COL6A2: variants seen among roughly 807,000 people sequenced by gnomAD.
COL6A2 encodes collagen type VI alpha 2 chain.
In COL6A2, 90 loss-of-function variants were observed where a neutral mutation model predicts 124.9. That is an observed-to-expected ratio of 0.72 (90% CI 0.61 to 0.86). The LOEUF is 0.86. Among genes scored for constraint, COL6A2 ranks in the 40% least tolerant of loss-of-function variants. The probability of loss-of-function intolerance (pLI) is 0.00; values close to 1 mark genes in which losing one functional copy is unlikely to be tolerated. For missense variants in COL6A2, 1,607 were observed against 1,502.5 expected (o/e 1.07, Z -1.15); for synonymous variants, 793 against 618.2 (o/e 1.28, Z -4.19).
chr21:46,129,464 C>T, intron 27 of COL6A2: 1 of 1,598,404 alleles, frequency 6.3e-7, no homozygotes. Flanking sequence ...TCGTGGGGGA[C>T]CCCGAGACCG....
Position 46,132,289 on chromosome 21 carries a change from CGTGGCGGGGCCCGG to C in COL6A2, c.2798_2811del (p.Arg933GlnfsTer55). 1 of 1,606,550 alleles carries C rather than the reference CGTGGCGGGGCCCGG, an allele frequency of 6.2e-7. No homozygotes were observed. Among genetic ancestry groups the C allele is most frequent in the Non-Finnish European group, 8.5e-7 (1 of 1,179,260 alleles). On this transcript the variant is annotated frameshift_variant, in exon 28 of 28. Transcript: ENST00000300527. LOFTEE classifies it high-confidence loss of function. ...CATCAATGCCATCGTGCGCAGCCCG[CGTGGCGGGGCCCGG>C]AGGCACGCAGAGCTGTCCTTCGTGT...
At chr21:46,109,804 G>A (rs1338281904) in intron 1 of COL6A2, among the ~76,000 whole-genome samples, 5 of 152,226 alleles carry the variant, frequency 3.3e-5, no homozygotes, top group Admixed American at 3.3e-4. Flanking sequence ...GCACCTCCAG[G>A]CCTACAAGGG....
chr21:46,123,907 G>A (rs78323968), intron 21 of COL6A2, among the ~76,000 whole-genome samples: 7 of 142,638 alleles, frequency 4.9e-5, no homozygotes, highest in Non-Finnish European at 9.5e-5. Flanking sequence ...AGATGGATGG[G>A]TGGGTGGATA....
In COL6A2 at chr21:46,117,932, G is replaced by C; in HGVS notation, c.1112G>C (p.Gly371Ala). The C allele has an allele frequency of 6.2e-7, 1 of 1,612,292 alleles. No individual in the cohort carries two copies. The highest frequency in any genetic ancestry group is 8.5e-7 in the Non-Finnish European group (1 of 1,179,464). The change falls in exon 12 of 28, where the codon GGC becomes GCC. Residue 371 changes from glycine (G) to alanine (A), a missense_variant. Around this residue, in one of 3 missense-constraint regions of COL6A2, gnomAD observed 1,223 missense variants for 1,052.2 expected, o/e 1.16. Transcript: ENST00000300527. ...CCAGGGGAGCGAGGAGACCAAGGCG[G>C]CAAGGTAAGTGGCCTTGTCAGGGTA... ...GSPGERGDQG[G>A]KGDPGRPGRR... is the part of the protein sequence containing the mutation.
intron 27 of COL6A2, among the ~76,000 whole-genome samples, chr21:46,126,949 A>G (rs1601253699): frequency 6.6e-6 from 1 of 151,718 alleles, no homozygotes; most frequent in African/African-American, 2.4e-5. Flanking sequence ...AAGCACTGAC[A>G]CCCCCCAGCA....
At chr21:46,113,975 A>G (rs1233933113) in intron 4 of COL6A2, 33 bp from the exon 5 acceptor site, 10 of 1,600,716 alleles carry the variant, frequency 6.2e-6, no homozygotes, top group Non-Finnish European at 8.6e-6. Context: ...TGTCCCACCC[A>G]TGCAACCTTC....
At chr21:46,126,452 G>A (rs371401281) in intron 26 of COL6A2, 51 bp from the exon 27 acceptor site, 2 of 1,606,730 alleles carry the variant, frequency 1.2e-6, no homozygotes, top group Non-Finnish European at 1.7e-6. Flanking sequence ...GCCGCTGAGG[G>A]TTCGCTAGGG....
Position 46,122,432 on chromosome 21 carries a change from C to T in COL6A2, c.1573-64C>T, listed in dbSNP as rs1282977732. ...GGGAAACGGGGCTGCAGAAAGCTGC[C>T]CAGAGGGAGGAAGGAGCACTGGGAT... On this transcript the variant is annotated intron_variant, in intron 19 of 27. Transcript: ENST00000300527. 5 of 1,605,966 alleles carry T rather than the reference C, an allele frequency of 3.1e-6. No homozygotes were observed. The African/African-American group carries it at 5.4e-5, about 17-fold the overall frequency.
chr21:46,131,708 CCTGTGTCAGG>C (rs2078762046), intron 27 of COL6A2, among the ~76,000 whole-genome samples: 1 of 152,176 alleles, frequency 6.6e-6, no homozygotes, highest in South Asian at 2.1e-4. Context: ...GGGCCTGGGG[CCTGTGTCAGG>C]GTCTCAGGCC....
At chr21:46,109,585 A>T (rs890060789) in intron 1 of COL6A2, among the ~76,000 whole-genome samples, 2 of 151,816 alleles carry the variant, frequency 1.3e-5, no homozygotes, top group African/African-American at 2.4e-5. Flanking sequence ...GTGCCCAGCC[A>T]CCCTCAGCAC....
chr21:46,120,280 T>C lies in COL6A2; in HGVS notation c.1333-235T>C, dbSNP rs557871436. 6.8e-4 allele frequency among the ~76,000 whole-genome samples: 104 copies of C among 152,274 alleles called. 1 individual carries two copies. The highest frequency in any genetic ancestry group is 2.3e-3 in the African/African-American group (97 of 41,548). On this transcript the variant is annotated intron_variant, in intron 15 of 27. Transcript: ENST00000300527. ...TCCTCCCAGGAAGTGGACGAGGTCC[T>C]ACCCACGTGTGGGTGGCCTCAGGGG...
chr21:46,107,367 T>G (rs1201641269), intron 1 of COL6A2, among the ~76,000 whole-genome samples: 1 of 152,124 alleles, frequency 6.6e-6, no homozygotes, highest in Non-Finnish European at 1.5e-5. Context: ...TGACTTACTT[T>G]CCATCTGACT....
At position 46,132,613 on chromosome 21, in the gene COL6A2, G is replaced by T; in HGVS notation, c.*61G>T. The T allele has an allele frequency of 6.7e-7, 1 of 1,482,284 alleles. No individual in the cohort carries two copies. Among genetic ancestry groups the T allele is most frequent in the Non-Finnish European group, 9.1e-7 (1 of 1,094,960 alleles). 91.8% of individuals were successfully genotyped at this position (1,482,284 alleles called of 1,614,324 possible). ...GCCCACCCCGTCCATGGTGCTAAGC[G>T]GGCCCGGGTCCCACACGGCCAGCAC... is the stretch of plus-strand genomic sequence containing the variant. On this transcript the variant is annotated 3_prime_UTR_variant, in exon 28 of 28. Transcript: ENST00000300527.
chr21:46,122,881 C>T lies in COL6A2; in HGVS notation c.1615C>T (p.Arg539Ter), dbSNP rs749593004. The change falls in exon 21 of 28, where the codon CGA (arginine) becomes TGA (stop). Residue 539 changes from arginine to a stop codon, truncating the protein, a stop_gained. Coordinates refer to ENST00000300527, the MANE Select transcript of COL6A2 (RefSeq NM_001849.4). LOFTEE classifies it high-confidence loss of function. ...CATGTGTTCCCTGTCACAGGGAGGCCGAGGCGACTTTGGCTTGAAAGGAGA... is the reference window on the plus strand; with the variant it reads ...CATGTGTTCCCTGTCACAGGGAGGCTGAGGCGACTTTGGCTTGAAAGGAGA... ...EPGPRGPEGG[R>*]GDFGLKGEPG... 6 of 1,613,230 alleles carry T rather than the reference C, an allele frequency of 3.7e-6. No individual in the cohort carries two copies. Among genetic ancestry groups the T allele is most frequent in the Admixed American group, 3.3e-5 (2 of 60,008 alleles).
chr21:46,110,503 C>G (rs574074098), intron 1 of COL6A2, among the ~76,000 whole-genome samples: 2 of 152,294 alleles, frequency 1.3e-5, no homozygotes, highest in African/African-American at 4.8e-5. Context: ...CCTTTGGGAA[C>G]GGACTTCATT....
At chr21:46,124,152 T>C (rs1601244665) in intron 21 of COL6A2, among the ~76,000 whole-genome samples, 2 of 148,874 alleles carry the variant, frequency 1.3e-5, no homozygotes, top group Non-Finnish European at 3.0e-5. Flanking sequence ...AGTGAGTGGA[T>C]AGATAGATGG....
chr21:46,115,909 G>C lies in COL6A2; in HGVS notation c.839G>C (p.Gly280Ala). 1.2e-6 allele frequency: 2 copies of C among 1,612,888 alleles called. No individual in the cohort carries two copies. Among genetic ancestry groups the C allele is most frequent in the Non-Finnish European group, 1.7e-6 (2 of 1,180,004 alleles). The part of the protein sequence containing the change: ...KGNMGEPGEP[G>A]QKGRQGDPGI... ...AACATGGGTGAGCCGGGAGAGCCTG[G>C]CCAGAAGGGAAGACAGGTGAGTGTC... The change falls in exon 6 of 28, where the codon GGC (glycine) becomes GCC (alanine). Residue 280 changes from glycine (G) to alanine (A), a missense_variant. Physicochemically the swap from Gly to Ala is moderately conservative, Grantham distance 60 (BLOSUM62 0). Around this residue, in one of 3 missense-constraint regions of COL6A2, gnomAD observed 42 missense variants for 68.7 expected, o/e 0.61. Coordinates refer to ENST00000300527, the MANE Select transcript of COL6A2 (RefSeq NM_001849.4).
At position 46,132,640 on chromosome 21, in the gene COL6A2, G is replaced by C. The variant is rs369124688; in HGVS notation, c.*88G>C. On this transcript the variant is annotated 3_prime_UTR_variant, in exon 28 of 28. Transcript: ENST00000300527. ...GCCCGGGTCCCACACGGCCAGCACC[G>C]CTGCTCACTCGGACGACGCCCTGGG... is the stretch of plus-strand genomic sequence containing the variant. The C allele has an allele frequency of 2.8e-3, 3,707 of 1,320,880 alleles. 23 individuals are homozygous for C. Among genetic ancestry groups the C allele is most frequent in the South Asian group, 8.7e-3 (692 of 79,798 alleles). The allele number at this position is 1,320,880 out of a possible 1,614,324, so 81.8% of individuals were successfully genotyped here.
At chr21:46,117,138 G>A (rs889170194) in intron 10 of COL6A2, among the ~76,000 whole-genome samples, 9 of 152,168 alleles carry the variant, frequency 5.9e-5, no homozygotes, top group African/African-American at 7.2e-5. Context: ...ATGGCTCCCC[G>A]TGGGAACATC....
Sources: gnomAD v4.1 joint callset for allele counts (sites outside exome capture counted in the v4.1 genomes callset) on GRCh38, gnomAD v4.1.1 for gene constraint, gnomAD v4.1.1 regional missense constraint, MANE v1.5 for transcripts, NCBI Gene and HGNC (gene_info 2026-07-23, HGNC 2026-07-21) for gene names.